Variants in CROT observed in about 807,000 individuals in gnomAD.
CROT encodes the protein carnitine O-octanoyltransferase.
A neutral mutation model predicts 89.2 loss-of-function variants in CROT; 84 were observed. The observed-to-expected ratio is 0.94, with a 90% CI of 0.79 to 1.13. The LOEUF is 1.13. CROT is among the 50% of genes most tolerant of loss of function. The probability of loss-of-function intolerance (pLI) is 0.00; values close to 1 mark genes in which losing one functional copy is unlikely to be tolerated. For synonymous variants in CROT, 212 were observed against 239.5 expected, an observed-to-expected ratio of 0.89 and a Z score of 1.06; for missense variants, 711 against 727.8, an observed-to-expected ratio of 0.98 and a Z score of 0.27.
intron 13 of CROT, 96 bp downstream of exon 13, chr7:87,382,639 C>G: frequency 7.9e-7 from 1 of 1,270,644 alleles, no homozygotes; most frequent in Non-Finnish European, 1.1e-6. Flanking sequence ...TATTTTTGCT[C>G]ACTTTTTTCC....
intron 13 of CROT, among the ~76,000 whole-genome samples, chr7:87,383,712 G>T (rs1341997019): frequency 6.6e-6 from 1 of 152,026 alleles, no homozygotes; most frequent in African/African-American, 2.4e-5. Context: ...GGCCAGGCTG[G>T]TCTCTAACTC....
At chr7:87,368,917 C>A (rs1806535523) in intron 6 of CROT, among the ~76,000 whole-genome samples, 1 of 152,190 alleles carries the variant, frequency 6.6e-6, no homozygotes, top group South Asian at 2.1e-4. Context: ...CATACTGTAT[C>A]CTTTTCTACT....
chr7:87,368,413 G>T (rs1806519595), intron 6 of CROT, among the ~76,000 whole-genome samples: 1 of 152,146 alleles, frequency 6.6e-6, no homozygotes, highest in Admixed American at 6.5e-5. Flanking sequence ...GAGGTAAAAG[G>T]ATCTGGAGGT....
chr7:87,391,924 T>A (rs931967919), intron 14 of CROT, among the ~76,000 whole-genome samples: 1 of 152,202 alleles, frequency 6.6e-6, no homozygotes, highest in African/African-American at 2.4e-5. Context: ...CCATTTGTGT[T>A]ATTTTCTAGG....
In CROT at chr7:87,361,451, T is replaced by C; in HGVS notation, c.302T>C (p.Val101Ala). The C allele has an allele frequency of 4.3e-6, 7 of 1,614,080 alleles. No individual in the cohort carries two copies. The highest frequency in any genetic ancestry group is 5.9e-6 in the Non-Finnish European group (7 of 1,179,978). ...GTTCGTATACCATCACAATTGAATG[T>C]CAACTTTGCGGGTCCTGCAGCTCAT... ...LDVRIPSQLN[V>A]NFAGPAAHFE... The change falls in exon 5 of 18, where the codon GTC becomes GCC. Residue 101 changes from valine to alanine, a missense_variant. By Grantham distance (64) the Val-to-Ala change is moderately conservative. Transcript: ENST00000331536.
In CROT at chr7:87,377,369, T is replaced by C. The variant is rs772852381; in HGVS notation, c.897T>C (p.Ile299=). 1.9e-6 allele frequency: 3 copies of C among 1,606,210 alleles called. No individual in the cohort carries two copies. The highest frequency in any genetic ancestry group is 2.6e-6 in the Non-Finnish European group (3 of 1,174,060). The change falls in exon 10 of 18, where the codon ATT becomes ATC. Residue 299 remains isoleucine, a synonymous_variant. Transcript: ENST00000331536. ...TTTAGATTATTGCAGCCATCCTTAT[T>C]GGAGATCCAACAGTACGCTGGGGTG... ...DYSEIIAAIL[I]GDPTVRWGDK...
intron 14 of CROT, among the ~76,000 whole-genome samples, 181 bp from the exon 15 acceptor site, chr7:87,392,385 T>C (rs1807390616): frequency 2.0e-5 from 3 of 152,162 alleles, no homozygotes; most frequent in Admixed American, 2.0e-4. Flanking sequence ...AAGCAGGATA[T>C]ACAGGGAAGA....
chr7:87,348,961 C>T, intron 2 of CROT, 87 bp from the exon 3 acceptor site: 1 of 537,272 alleles, frequency 1.9e-6, no homozygotes, highest in Non-Finnish European at 3.4e-6. Context: ...TCCCTAAATA[C>T]TGGTTTAGTG....
chr7:87,398,848 C>T lies in CROT; in HGVS notation c.*204C>T. The stretch of plus-strand genomic sequence containing the variant: ...AAGGTAGAAATATTTTTAAGCTCCT[C>T]TGATGCAGCAGCAATGCAAATTATG... On this transcript the variant is annotated 3_prime_UTR_variant, in exon 18 of 18. Transcript: ENST00000331536. 1 of 558,156 alleles carries T rather than the reference C, an allele frequency of 1.8e-6. No homozygotes were observed. The highest frequency in any genetic ancestry group is 3.1e-6 in the Non-Finnish European group (1 of 317,702). The allele number at this position is 558,156 out of a possible 1,614,324, so 34.6% of individuals were successfully genotyped here. A position where few individuals can be genotyped will look rare whatever the true frequency, so the allele number is the denominator to read the frequency against.
Position 87,391,690 on chromosome 7 carries a change from C to T in CROT, c.1403C>T (p.Ser468Phe). Reference protein sequence around the residue: ...CTVEAVRWCQSMQDPSVNLRE... With the variant: ...CTVEAVRWCQFMQDPSVNLRE... Reference sequence around the variant, plus strand: ...GTTGAAGCAGTGAGGTGGTGCCAGTCCATGCAGGATCCTTCTGTCAATGTG... The same window carrying T: ...GTTGAAGCAGTGAGGTGGTGCCAGTTCATGCAGGATCCTTCTGTCAATGTG... The change falls in exon 14 of 18, where the codon TCC (serine) becomes TTC (phenylalanine). Residue 468 changes from serine (S) to phenylalanine (F), a missense_variant. Ser to Phe is a radical substitution (Grantham distance 155, BLOSUM62 -2). Coordinates refer to ENST00000331536, the MANE Select transcript of CROT (RefSeq NM_021151.4). 1 of 1,609,660 alleles carries T rather than the reference C, an allele frequency of 6.2e-7. No homozygotes were observed. Among genetic ancestry groups the T allele is most frequent in the Non-Finnish European group, 8.5e-7 (1 of 1,178,416 alleles).
chr7:87,395,338 G>A (rs1413354481), intron 17 of CROT, among the ~76,000 whole-genome samples: 1 of 152,168 alleles, frequency 6.6e-6, no homozygotes, highest in Non-Finnish European at 1.5e-5. Context: ...CAGATTAACG[G>A]TGGGTCTGAC....
rs1460555889 is a variant in CROT at position 87,359,429 on chromosome 7, A to G, written c.240+99A>G. The G allele has an allele frequency of 2.5e-5, 37 of 1,482,930 alleles. No homozygotes were observed. In the Middle Eastern group the frequency reaches 6.7e-4, roughly 27 times the overall value. The allele number at this position is 1,482,930 out of a possible 1,614,324, so 91.9% of individuals were successfully genotyped here. A position where few individuals can be genotyped will look rare whatever the true frequency, so the allele number is the denominator to read the frequency against. On this transcript the variant is annotated intron_variant, in intron 4 of 17. Transcript: ENST00000331536. ...AAATTATTGCTGTAAAAATTTTTAC[A>G]GTTATTATTGTTATTTTCATAATCC...
chr7:87,394,003 C>A lies in CROT; in HGVS notation c.1718+936C>A, dbSNP rs114522449. 7.5e-3 allele frequency among the ~76,000 whole-genome samples: 1,139 copies of A among 152,230 alleles called. 15 individuals are homozygous for A. Among genetic ancestry groups the A allele is most frequent in the African/African-American group, 0.025 (1,023 of 41,544 alleles). On this transcript the variant is annotated intron_variant, in intron 17 of 17. Transcript: ENST00000331536. Reference sequence around the variant, plus strand: ...AGATACTAGTCTATTTCATCATTTACTACCATAAAATATACACAAATCTAC... The same window carrying A: ...AGATACTAGTCTATTTCATCATTTAATACCATAAAATATACACAAATCTAC...
intron 13 of CROT, among the ~76,000 whole-genome samples, chr7:87,391,249 G>A (rs547759381): frequency 6.6e-6 from 1 of 152,166 alleles, no homozygotes; most frequent in African/African-American, 2.4e-5. Flanking sequence ...CACTTGTGCT[G>A]TACTCTCCCC....
chr7:87,392,609 A>G lies in CROT; in HGVS notation c.1469A>G (p.His490Arg), dbSNP rs1807399819. ...QQKMLQAFAK[H>R]NKMMKDCSAG... is the part of the protein sequence containing the mutation. ...AAGATGTTACAAGCTTTTGCAAAGC[A>G]TAATAAAATGATGAAAGATTGTTCA... The change falls in exon 15 of 18, where the codon CAT becomes CGT. Residue 490 changes from histidine to arginine, a missense_variant. Coordinates refer to ENST00000331536, the MANE Select transcript of CROT (RefSeq NM_021151.4). The G allele has an allele frequency of 1.2e-6, 2 of 1,613,596 alleles. No individual in the cohort carries two copies. The highest frequency in any genetic ancestry group is 1.7e-6 in the Non-Finnish European group (2 of 1,179,664).
chr7:87,395,072 G>A (rs1712160452), intron 17 of CROT, among the ~76,000 whole-genome samples: 1 of 152,116 alleles, frequency 6.6e-6, no homozygotes, highest in Non-Finnish European at 1.5e-5. Context: ...GAACTAATAG[G>A]ATATTTAAGA....
At chr7:87,393,391 A>G (rs1170536640) in intron 17 of CROT, among the ~76,000 whole-genome samples, 1 of 152,178 alleles carries the variant, frequency 6.6e-6, no homozygotes, top group East Asian at 1.9e-4. Flanking sequence ...AGCTCAGATA[A>G]AATGTTTAAA....
chr7:87,380,083 C>T (rs1300285351), intron 10 of CROT, among the ~76,000 whole-genome samples: 2 of 152,084 alleles, frequency 1.3e-5, no homozygotes, highest in African/African-American at 4.8e-5. Flanking sequence ...TGCACTCCCA[C>T]CCAGGCAACA....
At chr7:87,362,076 T>A (rs1806294699) in intron 6 of CROT, among the ~76,000 whole-genome samples, 1 of 152,240 alleles carries the variant, frequency 6.6e-6, no homozygotes, top group South Asian at 2.1e-4. Flanking sequence ...GATGCTTATA[T>A]TTCATCATTT....
Sources: gnomAD v4.1 joint callset for allele counts (sites outside exome capture counted in the v4.1 genomes callset) on GRCh38, gnomAD v4.1.1 for gene constraint, MANE v1.5 for transcripts, NCBI Gene and HGNC (gene_info 2026-07-23, HGNC 2026-07-21) for gene names.